MAGI1: variants seen among roughly 807,000 people sequenced by gnomAD.
The protein encoded by MAGI1 is membrane-associated guanylate kinase, WW and PDZ domain-containing protein 1.
Under a neutral mutation model 139.9 loss-of-function variants are expected in MAGI1, and 58 were observed. The ratio of observed to expected loss-of-function variants is 0.41; its 90% confidence interval spans 0.34 to 0.52. The LOEUF is 0.52. Ranked by LOEUF, MAGI1 falls within the 20% of genes least tolerant of loss-of-function variation. MAGI1 has a pLI of 0.12. For synonymous variants in MAGI1, 812 were observed against 737.9 expected (o/e 1.10, Z -1.63); for missense variants, 1,874 against 1,901.6 (o/e 0.99, Z 0.27).
At chr3:65,400,594 G>T (rs7628148) in intron 13 of MAGI1, among the ~76,000 whole-genome samples, 1,935 of 152,108 alleles carry the variant, frequency 0.013, 44 homozygotes, top group African/African-American at 0.044. Flanking sequence ...AGTTCCAGAT[G>T]TTGAGTTAAG....
chr3:65,865,527 AG>A (rs2059693623), intron 1 of MAGI1, among the ~76,000 whole-genome samples: 1 of 152,222 alleles, frequency 6.6e-6, no homozygotes, highest in Non-Finnish European at 1.5e-5. Context: ...GCCTGGAGGC[AG>A]AGGTTGCACT....
intron 5 of MAGI1, among the ~76,000 whole-genome samples, chr3:65,455,527 G>A (rs2107509842): frequency 6.6e-6 from 1 of 152,166 alleles, no homozygotes. Flanking sequence ...CCTGGACAAT[G>A]TGGTGAAATG....
intron 1 of MAGI1, among the ~76,000 whole-genome samples, chr3:65,801,058 C>T (rs1316048541): frequency 1.3e-5 from 2 of 152,144 alleles, no homozygotes; most frequent in African/African-American, 4.8e-5. Flanking sequence ...TGCAAATTGT[C>T]AAGCACCATT....
intron 1 of MAGI1, among the ~76,000 whole-genome samples, chr3:65,913,921 T>C (rs1263442060): frequency 6.6e-6 from 1 of 152,136 alleles, no homozygotes; most frequent in Non-Finnish European, 1.5e-5. Flanking sequence ...TGAATATTCT[T>C]GGCAATTTAG....
intron 1 of MAGI1, among the ~76,000 whole-genome samples, chr3:65,712,408 C>A (rs1268483557): frequency 6.6e-6 from 1 of 150,708 alleles, no homozygotes; most frequent in Non-Finnish European, 1.5e-5. Context: ...CCAGATGAAT[C>A]CAGCTGCAGC....
At chr3:65,663,237 G>T (rs765176514) in intron 1 of MAGI1, among the ~76,000 whole-genome samples, 13 of 152,084 alleles carry the variant, frequency 8.5e-5, no homozygotes, top group Admixed American at 3.9e-4. Flanking sequence ...AGACTACCAG[G>T]GTTTTTAATT....
At chr3:65,573,134 C>A (rs1195025844) in intron 2 of MAGI1, among the ~76,000 whole-genome samples, 1 of 151,962 alleles carries the variant, frequency 6.6e-6, no homozygotes, top group Non-Finnish European at 1.5e-5. Context: ...AAACTATAAA[C>A]ATATAGATAC....
At chr3:65,530,470 C>T (rs1045881646) in intron 2 of MAGI1, among the ~76,000 whole-genome samples, 7 of 151,136 alleles carry the variant, frequency 4.6e-5, no homozygotes, top group African/African-American at 1.7e-4. Flanking sequence ...CAAAATTACC[C>T]GGGTGTGGTG....
chr3:65,519,597 G>A (rs973795167), intron 2 of MAGI1, among the ~76,000 whole-genome samples: 1 of 152,038 alleles, frequency 6.6e-6, no homozygotes, highest in African/African-American at 2.4e-5. Context: ...CGTTGGCCAG[G>A]CTGGTCTCAA....
chr3:65,511,990 G>T (rs2077623959), intron 2 of MAGI1, among the ~76,000 whole-genome samples: 1 of 124,716 alleles, frequency 8.0e-6, no homozygotes, highest in Non-Finnish European at 1.7e-5. Flanking sequence ...TAGAACTCAG[G>T]ATTAAGAATC....
intron 1 of MAGI1, among the ~76,000 whole-genome samples, chr3:65,828,264 T>C (rs896637192): frequency 5.3e-5 from 8 of 152,150 alleles, no homozygotes; most frequent in African/African-American, 1.9e-4. Context: ...TCAGGTTCTG[T>C]CCAAACCTGG....
intron 1 of MAGI1, among the ~76,000 whole-genome samples, chr3:65,886,455 T>A (rs1386835882): frequency 6.6e-6 from 1 of 152,150 alleles, no homozygotes; most frequent in African/African-American, 2.4e-5. Flanking sequence ...AAAAATACAT[T>A]CTCCCCTTCC....
chr3:66,010,395 A>T (rs2067266068), intron 1 of MAGI1, among the ~76,000 whole-genome samples: 2 of 152,122 alleles, frequency 1.3e-5, no homozygotes, highest in South Asian at 4.1e-4. Context: ...TTTCCCCCTT[A>T]TTCTAGGTCT....
chr3:65,943,534 C>T (rs4688612), intron 1 of MAGI1, among the ~76,000 whole-genome samples: 119,355 of 151,584 alleles, frequency 0.79, 47,102 homozygotes, highest in Middle Eastern at 0.83. Flanking sequence ...AAGATCATCA[C>T]TGCACTCCAG....
chr3:65,471,941 G>A (rs528485597), intron 4 of MAGI1, among the ~76,000 whole-genome samples: 8 of 152,094 alleles, frequency 5.3e-5, no homozygotes, highest in Non-Finnish European at 1.0e-4. Flanking sequence ...CCACACAGAG[G>A]AAAGGAGAGG....
chr3:65,996,629 G>A (rs1385874653), intron 1 of MAGI1, among the ~76,000 whole-genome samples: 2 of 150,990 alleles, frequency 1.3e-5, no homozygotes, highest in Admixed American at 1.3e-4. Flanking sequence ...ACTTCCGCTC[G>A]CTTCACTCCT....
chr3:65,596,385 A>T (rs753849445), intron 2 of MAGI1, among the ~76,000 whole-genome samples: 4 of 152,224 alleles, frequency 2.6e-5, no homozygotes, highest in Non-Finnish European at 4.4e-5. Context: ...GAGGAGTAGT[A>T]AAACAAACAA....
At chr3:65,664,215 T>C (rs2086371965) in intron 1 of MAGI1, among the ~76,000 whole-genome samples, 1 of 152,180 alleles carries the variant, frequency 6.6e-6, no homozygotes, top group Non-Finnish European at 1.5e-5. Context: ...TATTACAGTA[T>C]GTATTTCATG....
chr3:65,375,763 G>T lies in MAGI1; in HGVS notation c.3178C>A (p.Arg1060Ser). 2 of 1,613,056 alleles carry T rather than the reference G, an allele frequency of 1.2e-6. No homozygotes were observed. Among genetic ancestry groups the T allele is most frequent in the Non-Finnish European group, 1.7e-6 (2 of 1,179,162 alleles). Residue 1060 changes from arginine (R) to serine (S), a missense_variant, in exon 18 of 23, where the codon CGC becomes AGC. Coordinates refer to ENST00000402939, the MANE Select transcript of MAGI1 (RefSeq NM_001033057.2). Reference protein sequence around the residue: ...IKEAGNTVTLRIIPGDESSNA... With the variant: ...IKEAGNTVTLSIIPGDESSNA... ...ACTTTACCATCCCCAGGAATGATGC[G>T]GAGGGTAACTGTGTTTCCCGCTTCC... is the stretch of plus-strand genomic sequence containing the variant.
Sources: gnomAD v4.1 joint callset for allele counts (sites outside exome capture counted in the v4.1 genomes callset) on GRCh38, gnomAD v4.1.1 for gene constraint, MANE v1.5 for transcripts, NCBI Gene and HGNC (gene_info 2026-07-23, HGNC 2026-07-21) for gene names.